Variants in SPTBN1 observed in about 807,000 individuals in gnomAD.
The protein encoded by SPTBN1 is spectrin beta chain, non-erythrocytic 1.
In SPTBN1, 32 loss-of-function variants were observed where a neutral mutation model predicts 266.4. That is an observed-to-expected ratio of 0.12 (90% CI 0.09 to 0.16). The LOEUF is 0.16. Among genes scored for constraint, SPTBN1 ranks in the 10% least tolerant of loss-of-function variants. SPTBN1 has a pLI of 1.00. For synonymous variants in SPTBN1, 1,336 were observed against 1,162.2 expected, an observed-to-expected ratio of 1.15 and a Z score of -3.04; for missense variants, 2,296 against 3,067.1, an observed-to-expected ratio of 0.75 and a Z score of 5.94.
intron 2 of SPTBN1, among the ~76,000 whole-genome samples, chr2:54,598,739 G>A (rs1194580426): frequency 6.6e-6 from 1 of 152,184 alleles, no homozygotes; most frequent in Non-Finnish European, 1.5e-5. Context: ...GCATCCTGCT[G>A]CCTCTTCAGC....
At chr2:54,637,918 A>G in intron 18 of SPTBN1, 115 bp downstream of exon 18, 1 of 836,508 alleles carries the variant, frequency 1.2e-6, no homozygotes, top group Non-Finnish European at 1.9e-6. Context: ...AATCCATAGC[A>G]CCCATTTGAC....
intron 1 of SPTBN1, among the ~76,000 whole-genome samples, chr2:54,461,582 C>G (rs1455384512): frequency 1.3e-5 from 2 of 152,360 alleles, no homozygotes; most frequent in Middle Eastern, 3.4e-3. Flanking sequence ...ATAAGTGTTA[C>G]AGTTCCAAAG....
rs1305911153 is a variant in SPTBN1 at position 54,518,140 on chromosome 2, A to G, written c.-47-8232A>G. ...GAGAACTCTGAATGTTTGGGATGCA[A>G]TCTCGGTCCTTTTTTGGCACTAGCC... On this transcript the variant is annotated intron_variant, in intron 1 of 35. Transcript: ENST00000356805. Among the ~76,000 whole-genome samples, 5 of 151,990 alleles carry G rather than the reference A, an allele frequency of 3.3e-5. No individual in the cohort carries two copies. In the East Asian group the frequency reaches 5.8e-4, roughly 18 times the overall value.
chr2:54,464,455 G>A (rs973191829), intron 1 of SPTBN1, among the ~76,000 whole-genome samples: 1 of 152,156 alleles, frequency 6.6e-6, no homozygotes, highest in Non-Finnish European at 1.5e-5. Context: ...TGGTTTTACT[G>A]TATTAAGTAA....
chr2:54,522,488 A>G (rs1670500163), intron 1 of SPTBN1, among the ~76,000 whole-genome samples: 1 of 151,744 alleles, frequency 6.6e-6, no homozygotes, highest in African/African-American at 2.4e-5. Flanking sequence ...AAAATTAGTC[A>G]GGCATGATAG....
At chr2:54,656,726 A>G (rs1338648548) in intron 29 of SPTBN1, among the ~76,000 whole-genome samples, 1 of 152,160 alleles carries the variant, frequency 6.6e-6, no homozygotes, top group Non-Finnish European at 1.5e-5. Flanking sequence ...CTTTTCTGAG[A>G]GGTTTGACGG....
chr2:54,457,734 G>A (rs754704854), intron 1 of SPTBN1, among the ~76,000 whole-genome samples: 1 of 152,240 alleles, frequency 6.6e-6, no homozygotes, highest in Admixed American at 6.5e-5. Context: ...CTTGGCCGAG[G>A]CCTGGAGCTG....
chr2:54,505,660 C>G (rs1669514696), intron 1 of SPTBN1, among the ~76,000 whole-genome samples: 1 of 152,168 alleles, frequency 6.6e-6, no homozygotes, highest in Non-Finnish European at 1.5e-5. Context: ...TACAGCCTGG[C>G]TGCCCCTTCT....
intron 4 of SPTBN1, 56 bp from the exon 5 acceptor site, chr2:54,616,151 G>A (rs777275982): frequency 1.4e-6 from 2 of 1,475,194 alleles, no homozygotes; most frequent in Non-Finnish European, 1.9e-6. Flanking sequence ...GTTCTTCAGT[G>A]GTTCTTTTAG....
chr2:54,468,460 A>T (rs890195793), intron 1 of SPTBN1, among the ~76,000 whole-genome samples: 1 of 152,096 alleles, frequency 6.6e-6, no homozygotes. Flanking sequence ...CAATCCTCCA[A>T]TCTTAAACTG....
chr2:54,575,048 C>T (rs1054620396), intron 2 of SPTBN1, among the ~76,000 whole-genome samples: 5 of 152,068 alleles, frequency 3.3e-5, no homozygotes, highest in African/African-American at 7.2e-5. Flanking sequence ...AAGAGGGGGC[C>T]GTTTTCAACA....
At chr2:54,506,355 T>C (rs1669555150) in intron 1 of SPTBN1, among the ~76,000 whole-genome samples, 1 of 152,168 alleles carries the variant, frequency 6.6e-6, no homozygotes, top group African/African-American at 2.4e-5. Flanking sequence ...AAATTTGAAG[T>C]TGCTTTTGAA....
chr2:54,504,129 G>A (rs905588956), intron 1 of SPTBN1, among the ~76,000 whole-genome samples: 2 of 152,232 alleles, frequency 1.3e-5, no homozygotes, highest in Non-Finnish European at 2.9e-5. Context: ...CTGATTAGGA[G>A]AAAAGTAAGG....
chr2:54,475,245 G>A (rs1040283564), intron 1 of SPTBN1, among the ~76,000 whole-genome samples: 1 of 152,062 alleles, frequency 6.6e-6, no homozygotes. Flanking sequence ...CCTTGCAAAC[G>A]GTTAGTTTGT....
chr2:54,622,191 A>T, intron 8 of SPTBN1, 109 bp from the exon 9 acceptor site: 2 of 1,219,562 alleles, frequency 1.6e-6, no homozygotes, highest in Non-Finnish European at 2.3e-6. Flanking sequence ...AGCTGGCCAA[A>T]CTGTTTCAAA....
chr2:54,460,048 G>C (rs902040644), intron 1 of SPTBN1, among the ~76,000 whole-genome samples: 2 of 152,142 alleles, frequency 1.3e-5, no homozygotes, highest in East Asian at 3.8e-4. Context: ...TTTTCATAAT[G>C]TCCTTTGCTA....
In SPTBN1 at chr2:54,664,410, A is replaced by G. The variant is rs202159174; in HGVS notation, c.6421-43A>G. ...AGGTAGAGCGTATGTGGTCACCCCC[A>G]TGGCTCACGGAGTTAGCTGAATGGC... is the stretch of plus-strand genomic sequence containing the variant. On this transcript the variant is annotated intron_variant, in intron 32 of 35. Coordinates refer to ENST00000356805, the MANE Select transcript of SPTBN1 (RefSeq NM_003128.3). The surrounding 1 kb of genome is among the most constrained non-coding windows in gnomAD (Gnocchi z 5.6). 3.8e-6 allele frequency: 6 copies of G among 1,584,008 alleles called. No individual in the cohort carries two copies. The East Asian group carries it at 9.0e-5, about 24-fold the overall frequency.
intron 1 of SPTBN1, among the ~76,000 whole-genome samples, chr2:54,508,207 C>T (rs956388281): frequency 6.6e-6 from 1 of 152,092 alleles, no homozygotes; most frequent in African/African-American, 2.4e-5. Context: ...AAGGCCAAAC[C>T]GAGGAACTAT....
chr2:54,465,639 CATATATATATAT>C (rs70944167), intron 1 of SPTBN1, among the ~76,000 whole-genome samples: 29 of 116,348 alleles, frequency 2.5e-4, no homozygotes, highest in Admixed American at 6.4e-4. Flanking sequence ...ATGTTTATCT[CATATATATATAT>C]ATATATATAT....
Sources: gnomAD v4.1 joint callset for allele counts (sites outside exome capture counted in the v4.1 genomes callset) on GRCh38, gnomAD v4.1.1 for gene constraint, Gnocchi (gnomAD v3.1) non-coding constraint, MANE v1.5 for transcripts, NCBI Gene and HGNC (gene_info 2026-07-23, HGNC 2026-07-21) for gene names.